Variants in SNAP47 observed in about 807,000 individuals in gnomAD.
The protein encoded by SNAP47 is synaptosome associated protein 47, also known as synaptosomal-associated protein 47.
Under a neutral mutation model 31.4 loss-of-function variants are expected in SNAP47, and 20 were observed. The observed-to-expected ratio is 0.64, with a 90% confidence interval of 0.45 to 0.93. The LOEUF (loss-of-function observed/expected upper bound fraction) is 0.93, where lower values mean the gene tolerates loss of function less well. Among genes scored for constraint, SNAP47 ranks in the 40% least tolerant of loss-of-function variants. SNAP47 has a pLI of 0.00. For missense variants in SNAP47, 492 were observed against 528.5 expected, an observed-to-expected ratio of 0.93 and a Z score of 0.68; for synonymous variants, 194 against 213.4, an observed-to-expected ratio of 0.91 and a Z score of 0.79.
At chr1:227,771,152 G>A (rs188958329) in intron 4 of SNAP47, among the ~76,000 whole-genome samples, 141 of 152,278 alleles carry the variant, frequency 9.3e-4, no homozygotes, top group African/African-American at 3.2e-3. Context: ...GGCTCTCAGC[G>A]TCCCGTACTT....
rs888013496 is a variant in SNAP47 at position 227,763,734 on chromosome 1, C to T, written c.989-3225C>T. 7.9e-5 allele frequency among the ~76,000 whole-genome samples: 12 copies of T among 152,204 alleles called. No individual in the cohort carries two copies. The highest frequency in any genetic ancestry group is 2.7e-4 in the African/African-American group (11 of 41,440). ...GCTGTCTCCTCCATTCAGCTCCCTACGCTGTCCTTACCTGTGCGCTAGCTT... is the reference window on the plus strand; with the variant it reads ...GCTGTCTCCTCCATTCAGCTCCCTATGCTGTCCTTACCTGTGCGCTAGCTT... On this transcript the variant is annotated intron_variant, in intron 3 of 4. Coordinates refer to ENST00000617596, the MANE Select transcript of SNAP47 (RefSeq NM_053052.4). The surrounding 1 kb of genome is among the most constrained non-coding windows in gnomAD (Gnocchi z 4.2).
chr1:227,744,340 G>C (rs1291583723), intron 1 of SNAP47, among the ~76,000 whole-genome samples: 1 of 152,138 alleles, frequency 6.6e-6, no homozygotes, highest in East Asian at 1.9e-4. Flanking sequence ...ACCAACAGCT[G>C]ATTGGCATGT....
At chr1:227,751,751 T>G (rs1404719264) in intron 2 of SNAP47, among the ~76,000 whole-genome samples, 90 of 42,340 alleles carry the variant, frequency 2.1e-3, no homozygotes, top group African/African-American at 1.0e-2. Flanking sequence ...TTGGTTTTTT[T>G]TTTTTTTTTT....
In SNAP47 at chr1:227,762,414, G is replaced by T. The variant is rs1278436914; in HGVS notation, c.988+2929G>T. On this transcript the variant is annotated intron_variant, in intron 3 of 4. Coordinates refer to ENST00000617596, the MANE Select transcript of SNAP47 (RefSeq NM_053052.4). This position sits in a 1 kb window ranked among gnomAD's most constrained non-coding sequence, Gnocchi z 4.2. Reference sequence around the variant, plus strand: ...CTCAGTAGTCTGTGGGGCACTTGTGGCTCTGAGGCCTTGCCTCTGCCTGCC... The same window carrying T: ...CTCAGTAGTCTGTGGGGCACTTGTGTCTCTGAGGCCTTGCCTCTGCCTGCC... 6.6e-6 allele frequency among the ~76,000 whole-genome samples: 1 copy of T among 152,222 alleles called. No individual in the cohort carries two copies. The highest frequency in any genetic ancestry group is 6.5e-5 in the Admixed American group (1 of 15,282).
chr1:227,767,098 G>C lies in SNAP47; in HGVS notation c.1113+15G>C. 6.2e-7 allele frequency: 1 copy of C among 1,613,890 alleles called. No individual in the cohort carries two copies. The highest frequency in any genetic ancestry group is 8.5e-7 in the Non-Finnish European group (1 of 1,179,950). ...AACTAACCCAGGTAAGATGTCCCCA[G>C]TGCCATGCCAGCCAGCGCTGTGTCC... On this transcript the variant is annotated intron_variant, in intron 4 of 4. Coordinates refer to ENST00000617596, the MANE Select transcript of SNAP47 (RefSeq NM_053052.4).
chr1:227,780,879 G>T lies in SNAP47; in HGVS notation c.*206G>T. ...TCCCACTTGGCTGTCCCTGCTGCTG[G>T]GCAGGACCCGGCCACATGTTCTGCG... On this transcript the variant is annotated 3_prime_UTR_variant, in exon 5 of 5. Coordinates refer to ENST00000617596, the MANE Select transcript of SNAP47 (RefSeq NM_053052.4). 1 of 639,726 alleles carries T rather than the reference G, an allele frequency of 1.6e-6. No homozygotes were observed. Among genetic ancestry groups the T allele is most frequent in the Non-Finnish European group, 2.7e-6 (1 of 377,130 alleles). 39.6% of individuals were successfully genotyped at this position (639,726 alleles called of 1,614,324 possible).
intron 2 of SNAP47, among the ~76,000 whole-genome samples, chr1:227,751,744 GTTTTTTTTTTTTTTTTTTTTTTTTTTTT>G (rs540732076): frequency 4.3e-5 from 3 of 69,138 alleles, no homozygotes; most frequent in African/African-American, 1.7e-4. Context: ...TAAAGACTTG[GTTTTTTTTTTTTTTTTTTTTTTTTTTTT>G]TTTTTTTTTG....
At chr1:227,736,679 T>A (rs1348724851) in intron 1 of SNAP47, among the ~76,000 whole-genome samples, 1 of 142,764 alleles carries the variant, frequency 7.0e-6, no homozygotes, top group Non-Finnish European at 1.5e-5. Context: ...TTTGTTTTTT[T>A]GTTTTTGTTT....
chr1:227,771,497 A>C lies in SNAP47; in HGVS notation c.1113+4414A>C, dbSNP rs994648014. ...CCTGGACCAGGTGTGGGGGCCCTGC[A>C]TGCACGTAGCTTGAGGGTGCCCTGT... On this transcript the variant is annotated intron_variant, in intron 4 of 4. Coordinates refer to ENST00000617596, the MANE Select transcript of SNAP47 (RefSeq NM_053052.4). Among the ~76,000 whole-genome samples, 7 of 152,108 alleles carry C rather than the reference A, an allele frequency of 4.6e-5. No individual in the cohort carries two copies. The East Asian group carries it at 1.2e-3, about 25-fold the overall frequency.
Position 227,735,437 on chromosome 1 carries a change from T to C in SNAP47, c.-108T>C. 2 of 1,493,074 alleles carry C rather than the reference T, an allele frequency of 1.3e-6. No homozygotes were observed. The highest frequency in any genetic ancestry group is 2.6e-5 in the South Asian group (2 of 76,722). 92.5% of individuals were successfully genotyped at this position (1,493,074 alleles called of 1,614,324 possible). A position where few individuals can be genotyped will look rare whatever the true frequency, so the allele number is the denominator to read the frequency against. On this transcript the variant is annotated 5_prime_UTR_variant, in exon 1 of 5. Coordinates refer to ENST00000617596, the MANE Select transcript of SNAP47 (RefSeq NM_053052.4). ...GCGCGCGGCTCGCCGCGGTCTTCAC[T>C]GCGCAGGCGCCGAGCGGCCGAGGCG...
At chr1:227,730,693 G>A (rs1397080027), upstream of SNAP47, 1 of 152,232 alleles carries the variant, frequency 6.6e-6, no homozygotes, top group Non-Finnish European at 1.5e-5. Context: ...GCGGAAGCAT[G>A]AGGGTCTTCA....
rs867314596 is a variant in SNAP47 at position 227,758,041 on chromosome 1, G to A, written c.498-954G>A. ...AGGGTGCTCCAGGAACAGCCTGGAC[G>A]TTTCTGGATCTGCCCCAAGGGAAGC... is the stretch of plus-strand genomic sequence containing the variant. On this transcript the variant is annotated intron_variant, in intron 2 of 4. Coordinates refer to ENST00000617596, the MANE Select transcript of SNAP47 (RefSeq NM_053052.4). 8.5e-5 allele frequency among the ~76,000 whole-genome samples: 13 copies of A among 152,204 alleles called. No homozygotes were observed. In the East Asian group the frequency reaches 9.6e-4, roughly 11 times the overall value.
intron 3 of SNAP47, among the ~76,000 whole-genome samples, chr1:227,764,479 C>T (rs907091130): frequency 6.6e-6 from 1 of 152,216 alleles, no homozygotes. Flanking sequence ...CCCTGAAGAG[C>T]CTGTGTCGGC....
intron 4 of SNAP47, among the ~76,000 whole-genome samples, chr1:227,779,068 G>A (rs1187615708): frequency 1.3e-5 from 2 of 152,198 alleles, no homozygotes; most frequent in East Asian, 1.9e-4. Flanking sequence ...GCAGCTGGCC[G>A]GGGAAGGGCT....
intron 3 of SNAP47, among the ~76,000 whole-genome samples, chr1:227,761,935 C>A (rs1663089568): frequency 6.6e-6 from 1 of 152,186 alleles, no homozygotes; most frequent in Non-Finnish European, 1.5e-5. Flanking sequence ...GGGCTATCAC[C>A]TTTTCTGGGG....
At chr1:227,747,624 C>G in intron 1 of SNAP47, 68 bp from the exon 2 acceptor site, 1 of 1,493,148 alleles carries the variant, frequency 6.7e-7, no homozygotes, top group East Asian at 2.3e-5. Context: ...GAGGCAGCAT[C>G]CTTGTGGGGT....
intron 2 of SNAP47, among the ~76,000 whole-genome samples, chr1:227,755,314 C>G (rs139458418): frequency 6.6e-6 from 1 of 152,310 alleles, no homozygotes; most frequent in African/African-American, 2.4e-5. Context: ...AGTGATCCTC[C>G]CACCTCAGCC....
At chr1:227,737,409 C>G (rs981437413) in intron 1 of SNAP47, among the ~76,000 whole-genome samples, 1 of 152,138 alleles carries the variant, frequency 6.6e-6, no homozygotes, top group African/African-American at 2.4e-5. Flanking sequence ...CAGTGCGAGG[C>G]CTTTGAGTTA....
At chr1:227,746,572 A>G (rs1457270186) in intron 1 of SNAP47, 1 of 152,250 alleles carries the variant, frequency 6.6e-6, no homozygotes, top group African/African-American at 2.4e-5. Context: ...GAGCTGCAGG[A>G]ACCAGGGACG....
Sources: allele counts gnomAD v4.1 joint callset (sites outside exome capture counted in the v4.1 genomes callset), GRCh38; gene constraint gnomAD v4.1.1; non-coding constraint Gnocchi (gnomAD v3.1); transcripts MANE v1.5; gene names NCBI Gene and HGNC (gene_info 2026-07-23, HGNC 2026-07-21).